PCLO: variants seen among roughly 807,000 people sequenced by gnomAD.
PCLO encodes the protein protein piccolo.
PCLO carries 82 observed loss-of-function variants against 427.5 expected under a neutral mutation model. The observed-to-expected ratio is 0.19, with a 90% CI of 0.16 to 0.23. The LOEUF (loss-of-function observed/expected upper bound fraction) is 0.23. Among genes scored for constraint, PCLO ranks in the 10% least tolerant of loss-of-function variants. PCLO has a pLI of 1.00. For missense variants in PCLO, 6,239 were observed against 6,115.9 expected (o/e 1.02, Z -0.67); for synonymous variants, 2,357 against 2,155.4 (o/e 1.09, Z -2.59).
intron 3 of PCLO, among the ~76,000 whole-genome samples, chr7:82,997,538 G>A (rs1787656464): frequency 1.3e-5 from 2 of 151,964 alleles, no homozygotes; most frequent in South Asian, 4.1e-4. Context: ...TCTGAAAAGA[G>A]ATCTCCCTAT....
chr7:82,854,451 A>G (rs1443207153), intron 10 of PCLO, among the ~76,000 whole-genome samples: 3 of 152,122 alleles, frequency 2.0e-5, no homozygotes, highest in Admixed American at 1.3e-4. Flanking sequence ...TTCATAATAT[A>G]AAGATAATAT....
intron 20 of PCLO, among the ~76,000 whole-genome samples, chr7:82,819,426 A>G (rs1791743651): frequency 6.6e-6 from 1 of 152,142 alleles, no homozygotes. Flanking sequence ...AATTAAAAAT[A>G]AGGTGTGAAA....
At position 83,154,971 on chromosome 7, in the gene PCLO, G is replaced by A. The variant is rs61740322; in HGVS notation, c.1670C>T (p.Pro557Leu). ...TTTTCCAGATCCTGTTTGGCTTACTGGTTTTGTAGATTGCTGAGCCGAGGG... is the reference window on the plus strand; with the variant it reads ...TTTTCCAGATCCTGTTTGGCTTACTAGTTTTGTAGATTGCTGAGCCGAGGG... ...AKPSAQQSTK[P>L]VSQTGSGKPL... Residue 557 changes from proline to leucine, a missense_variant, in exon 2 of 25, where the codon CCA becomes CTA. This residue lies in a region of PCLO where 4,677 missense variants were observed against 4,468.4 expected (regional missense o/e 1.05). Coordinates refer to ENST00000333891, the MANE Select transcript of PCLO (RefSeq NM_033026.6). The A allele has an allele frequency of 8.7e-4, 1,406 of 1,614,032 alleles. 17 individuals are homozygous for A. The African/African-American group carries it at 0.017, about 20-fold the overall frequency.
chr7:83,074,121 C>T (rs1278108441), intron 3 of PCLO, among the ~76,000 whole-genome samples: 1 of 151,940 alleles, frequency 6.6e-6, no homozygotes, highest in Admixed American at 6.6e-5. Flanking sequence ...AATTTCAAGA[C>T]AACTCATTAT....
intron 6 of PCLO, among the ~76,000 whole-genome samples, chr7:82,944,137 T>TAA (rs71096608): frequency 0.018 from 596 of 33,904 alleles, 78 homozygotes; most frequent in African/African-American, 0.061. Flanking sequence ...CAAGAATCCA[T>TAA]AAAAAAAAAA....
intron 3 of PCLO, among the ~76,000 whole-genome samples, chr7:83,099,002 C>T (rs190320459): frequency 3.9e-5 from 6 of 151,922 alleles, no homozygotes; most frequent in African/African-American, 1.4e-4. Context: ...AAACACAAGA[C>T]ATATCTGAAG....
intron 3 of PCLO, among the ~76,000 whole-genome samples, chr7:82,985,597 T>G (rs1796239099): frequency 2.0e-5 from 3 of 151,952 alleles, no homozygotes; most frequent in Admixed American, 2.0e-4. Flanking sequence ...TACCACAGAT[T>G]CATAAAGCAT....
chr7:83,152,690 A>T (rs540041508), intron 2 of PCLO, among the ~76,000 whole-genome samples: 6 of 152,132 alleles, frequency 3.9e-5, no homozygotes, highest in African/African-American at 1.4e-4. Flanking sequence ...GCCCATCCTT[A>T]TATGCCCAGC....
At chr7:83,060,785 A>T (rs1313030951) in intron 3 of PCLO, among the ~76,000 whole-genome samples, 1 of 152,152 alleles carries the variant, frequency 6.6e-6, no homozygotes, top group Non-Finnish European at 1.5e-5. Flanking sequence ...TTTCCTTGTT[A>T]GCCACAGTTG....
chr7:82,791,176 A>G (rs190662122), intron 22 of PCLO, among the ~76,000 whole-genome samples: 1 of 152,048 alleles, frequency 6.6e-6, no homozygotes, highest in East Asian at 1.9e-4. Flanking sequence ...TGGCAAATAA[A>G]TGAAAGTTGT....
chr7:82,987,530 G>C (rs1025121401), intron 3 of PCLO, among the ~76,000 whole-genome samples: 1 of 151,982 alleles, frequency 6.6e-6, no homozygotes, highest in Non-Finnish European at 1.5e-5. Context: ...TTACTGAACA[G>C]AACTCTGGTT....
chr7:82,798,457 C>T (rs893433515), intron 22 of PCLO, among the ~76,000 whole-genome samples: 7 of 152,258 alleles, frequency 4.6e-5, no homozygotes, highest in Non-Finnish European at 7.4e-5. Context: ...ATTTGGATCA[C>T]TCAAAACAAA....
chr7:82,838,140 G>C (rs1392106811), intron 15 of PCLO, 78 bp downstream of exon 15: 1 of 929,882 alleles, frequency 1.1e-6, no homozygotes, highest in Admixed American at 2.7e-5. Context: ...ATTAAAATGA[G>C]GTGTGGAAAT....
intron 6 of PCLO, among the ~76,000 whole-genome samples, chr7:82,924,347 A>C (rs537962902): frequency 8.8e-4 from 134 of 152,232 alleles, no homozygotes; most frequent in African/African-American, 3.1e-3. Flanking sequence ...ATTGTATAGA[A>C]AAATTCTTAA....
chr7:82,838,159 A>G (rs568726871), intron 15 of PCLO, 59 bp downstream of exon 15: 174 of 1,229,514 alleles, frequency 1.4e-4, no homozygotes, highest in Admixed American at 8.1e-4. Flanking sequence ...ATTAAAGAGT[A>G]GAAAATACTA....
At chr7:83,082,634 A>G (rs1790130897) in intron 3 of PCLO, among the ~76,000 whole-genome samples, 1 of 151,782 alleles carries the variant, frequency 6.6e-6, no homozygotes, top group Non-Finnish European at 1.5e-5. Flanking sequence ...AATAGCTAAA[A>G]GAGTAGAATT....
intron 22 of PCLO, among the ~76,000 whole-genome samples, chr7:82,763,111 A>C (rs1163060876): frequency 1.3e-5 from 2 of 152,122 alleles, no homozygotes; most frequent in Non-Finnish European, 2.9e-5. Flanking sequence ...AATATTAGAA[A>C]GAAATGCACT....
intron 6 of PCLO, among the ~76,000 whole-genome samples, chr7:82,929,744 AACT>A (rs1317797002): frequency 6.6e-6 from 1 of 152,136 alleles, no homozygotes; most frequent in Non-Finnish European, 1.5e-5. Context: ...TATGTTCAAA[AACT>A]ACTATTATTT....
At chr7:82,834,571 T>A (rs933032272) in intron 16 of PCLO, among the ~76,000 whole-genome samples, 1 of 152,224 alleles carries the variant, frequency 6.6e-6, no homozygotes, top group Admixed American at 6.5e-5. Flanking sequence ...AAACGAATGC[T>A]GTACCATTAA....
Sources: gnomAD v4.1 joint callset for allele counts (sites outside exome capture counted in the v4.1 genomes callset) on GRCh38, gnomAD v4.1.1 for gene constraint, gnomAD v4.1.1 regional missense constraint, MANE v1.5 for transcripts, NCBI Gene and HGNC (gene_info 2026-07-23, HGNC 2026-07-21) for gene names.